HPSE2: variants seen among roughly 807,000 people sequenced by gnomAD.
The protein encoded by HPSE2 is inactive heparanase-2.
HPSE2 carries 38 observed loss-of-function variants against 60.5 expected under a neutral mutation model. That is an observed-to-expected ratio of 0.63 (90% confidence interval 0.48 to 0.82). The LOEUF is 0.82. HPSE2 is among the 40% of genes least tolerant of loss of function. The pLI is 0.00. For synonymous variants in HPSE2, 295 were observed against 293.2 expected, an observed-to-expected ratio of 1.01 and a Z score of -0.06; for missense variants, 713 against 740.4, an observed-to-expected ratio of 0.96 and a Z score of 0.43.
intron 9 of HPSE2, among the ~76,000 whole-genome samples, chr10:98,531,690 C>T (rs545515016): frequency 3.9e-5 from 6 of 152,244 alleles, no homozygotes; most frequent in African/African-American, 1.4e-4. Flanking sequence ...GGCATGTGGG[C>T]TTTTTCTTTT....
At chr10:99,132,195 G>GAAAGAAAGAAAGAAAGAAAGAAAGAA (rs1564832790) in intron 3 of HPSE2, among the ~76,000 whole-genome samples, 2 of 14,120 alleles carry the variant, frequency 1.4e-4, no homozygotes, top group African/African-American at 3.0e-4. Context: ...GAAAGAAAGA[G>GAAAGAAAGAAAGAAAGAAAGAAAGAA]AGAGAGAGAG....
chr10:98,954,976 A>ATT lies in HPSE2; in HGVS notation c.610+189260_610+189261dup, dbSNP rs1457680838. Among the ~76,000 whole-genome samples the ATT allele has an allele frequency of 1.0e-4, 6 of 59,550 alleles. No homozygotes were observed. In the East Asian group the frequency reaches 3.7e-3, roughly 37 times the overall value. The allele number at this position is 59,550 out of a possible 152,430, so 39.1% of individuals were successfully genotyped here. Reference sequence around the variant, plus strand: ...ATCAATTTTATATATATATATACATATTTATATATATATATACATATTTAT... The same window carrying ATT: ...ATCAATTTTATATATATATATACATATTTTTATATATATATATACATATTTAT... On this transcript the variant is annotated intron_variant, in intron 3 of 11. Coordinates refer to ENST00000370552, the MANE Select transcript of HPSE2 (RefSeq NM_021828.5).
chr10:99,031,580 T>C (rs2135452148), intron 3 of HPSE2, among the ~76,000 whole-genome samples: 1 of 152,300 alleles, frequency 6.6e-6, no homozygotes, highest in Middle Eastern at 3.4e-3. Flanking sequence ...AATTTGAGCC[T>C]GGATTTTTAA....
At position 98,930,156 on chromosome 10, in the gene HPSE2, C is replaced by T. The variant is rs1483087146; in HGVS notation, c.611-186100G>A. The stretch of plus-strand genomic sequence containing the variant: ...TCCCCCCTCCACTATCCACAACAGG[C>T]CCCAGTAAGTGTTGTTCCCCTCCCT... On this transcript the variant is annotated intron_variant, in intron 3 of 11. Transcript: ENST00000370552. Among the ~76,000 whole-genome samples, 4 of 143,442 alleles carry T rather than the reference C, an allele frequency of 2.8e-5. 2 individuals are homozygous for T. The highest frequency in any genetic ancestry group is 6.0e-5 in the Non-Finnish European group (4 of 67,098). The allele number at this position is 143,442 out of a possible 152,430, so 94.1% of individuals were successfully genotyped here. A position where few individuals can be genotyped will look rare whatever the true frequency, so the allele number is the denominator to read the frequency against.
chr10:98,698,008 C>A (rs570497407), intron 5 of HPSE2, among the ~76,000 whole-genome samples: 2 of 148,062 alleles, frequency 1.4e-5, no homozygotes, highest in Admixed American at 6.8e-5. Context: ...GAGTGACCTA[C>A]AAAGAGACTT....
At chr10:98,897,948 A>G (rs11189859) in intron 3 of HPSE2, among the ~76,000 whole-genome samples, 14,519 of 152,142 alleles carry the variant, frequency 0.095, 827 homozygotes, top group South Asian at 0.2. Flanking sequence ...TATACCTGAT[A>G]AAAGACTTAT....
At chr10:99,171,238 T>C (rs900524105) in intron 2 of HPSE2, among the ~76,000 whole-genome samples, 2 of 152,206 alleles carry the variant, frequency 1.3e-5, no homozygotes, top group African/African-American at 2.4e-5. Flanking sequence ...ATGTGCTAAT[T>C]CACTCAGTGT....
intron 2 of HPSE2, among the ~76,000 whole-genome samples, chr10:99,209,044 TA>T (rs1440660193): frequency 3.3e-5 from 5 of 152,092 alleles, no homozygotes; most frequent in Non-Finnish European, 7.4e-5. Context: ...ACAAATACAA[TA>T]ATAGCAGGGT....
Position 98,937,074 on chromosome 10 carries a change from G to A in HPSE2, c.611-193018C>T, listed in dbSNP as rs544368791. Among the ~76,000 whole-genome samples the A allele has an allele frequency of 1.6e-4, 22 of 139,424 alleles. 2 individuals carry two copies. The highest frequency in any genetic ancestry group is 6.0e-4 in the African/African-American group (20 of 33,438). The allele number at this position is 139,424 out of a possible 152,430, so 91.5% of individuals were successfully genotyped here. On this transcript the variant is annotated intron_variant, in intron 3 of 11. Coordinates refer to ENST00000370552, the MANE Select transcript of HPSE2 (RefSeq NM_021828.5). ...CTCCTCTACAACAATATACAATAACGTTTTAAAAATAATTACCTGTGACAA... is the reference window on the plus strand; with the variant it reads ...CTCCTCTACAACAATATACAATAACATTTTAAAAATAATTACCTGTGACAA...
chr10:99,041,760 C>G (rs1957744508), intron 3 of HPSE2, among the ~76,000 whole-genome samples: 1 of 152,184 alleles, frequency 6.6e-6, no homozygotes, highest in Non-Finnish European at 1.5e-5. Flanking sequence ...CCCACCCACA[C>G]CTAAGCACTC....
chr10:99,030,640 C>T (rs753661609), intron 3 of HPSE2, among the ~76,000 whole-genome samples: 10 of 152,152 alleles, frequency 6.6e-5, no homozygotes, highest in Non-Finnish European at 1.3e-4. Flanking sequence ...CCACTGCTGG[C>T]TATATACCCC....
chr10:98,775,231 G>T (rs145762589), intron 3 of HPSE2, among the ~76,000 whole-genome samples: 15 of 152,302 alleles, frequency 9.8e-5, no homozygotes, highest in African/African-American at 2.9e-4. Context: ...AAACACACAT[G>T]TGCACATGCA....
rs1023012913 is a variant in HPSE2 at position 98,651,905 on chromosome 10, G to A, written c.1005-9965C>T. On this transcript the variant is annotated intron_variant, in intron 6 of 11. Transcript: ENST00000370552. ...CTCTGCCTCAGCCTCCCGAGTGGCT[G>A]GGATTACAGGCACCTGCAACCATGC... Among the ~76,000 whole-genome samples the A allele has an allele frequency of 2.6e-5, 4 of 151,858 alleles. No individual in the cohort carries two copies. In the East Asian group the frequency reaches 7.8e-4, roughly 29 times the overall value.
chr10:98,868,754 T>C (rs1952657537), intron 3 of HPSE2, among the ~76,000 whole-genome samples: 1 of 152,178 alleles, frequency 6.6e-6, no homozygotes, highest in African/African-American at 2.4e-5. Flanking sequence ...TCTAAAGTAC[T>C]ACCTTAGCAG....
intron 2 of HPSE2, among the ~76,000 whole-genome samples, chr10:99,179,417 C>T (rs545042425): frequency 3.1e-4 from 47 of 152,198 alleles, no homozygotes; most frequent in African/African-American, 1.1e-3. Flanking sequence ...AGCAAGGTCT[C>T]GGATACAAAA....
At chr10:98,916,817 A>C (rs1027064126) in intron 3 of HPSE2, among the ~76,000 whole-genome samples, 5 of 152,238 alleles carry the variant, frequency 3.3e-5, no homozygotes, top group Admixed American at 2.6e-4. Context: ...GCCTGTATAC[A>C]TAGCTCAGTC....
At chr10:98,696,613 T>TGCC (rs2134177872) in intron 5 of HPSE2, among the ~76,000 whole-genome samples, 1 of 128,416 alleles carries the variant, frequency 7.8e-6, no homozygotes, top group South Asian at 2.8e-4. Flanking sequence ...AACCATGGAA[T>TGCC]GCGTAGATTC....
chr10:98,475,109 A>C (rs1252607880), intron 11 of HPSE2, among the ~76,000 whole-genome samples: 1 of 148,742 alleles, frequency 6.7e-6, no homozygotes, highest in African/African-American at 2.5e-5. Flanking sequence ...CAGTTATGGG[A>C]CCACAATTCT....
rs557481747 is a variant in HPSE2 at position 98,507,216 on chromosome 10, G to A, written c.1321-17020C>T. On this transcript the variant is annotated intron_variant, in intron 9 of 11. Coordinates refer to ENST00000370552, the MANE Select transcript of HPSE2 (RefSeq NM_021828.5). ...ACTCATAGGTTGATGGGAGTTATTG[G>A]TAATGTTTTAGTTTTGGGGTGGAGT... Among the ~76,000 whole-genome samples the A allele has an allele frequency of 2.0e-5, 3 of 152,244 alleles. No homozygotes were observed. The South Asian group carries it at 6.2e-4, about 32-fold the overall frequency.
Sources: gnomAD v4.1 joint callset for allele counts (sites outside exome capture counted in the v4.1 genomes callset) on GRCh38, gnomAD v4.1.1 for gene constraint, MANE v1.5 for transcripts, NCBI Gene and HGNC (gene_info 2026-07-23, HGNC 2026-07-21) for gene names.